Variants in DPYD observed in about 807,000 individuals in gnomAD.
The protein encoded by DPYD is dihydropyrimidine dehydrogenase.
DPYD carries 109 observed loss-of-function variants against 116.2 expected under a neutral mutation model. That is an observed-to-expected ratio of 0.94 (90% CI 0.80 to 1.10). The LOEUF is 1.10. DPYD is among the 50% of genes least tolerant of loss of function. DPYD has a pLI of 0.00. For missense variants in DPYD, 1,302 were observed against 1,254.5 expected, an observed-to-expected ratio of 1.04 and a Z score of -0.57; for synonymous variants, 440 against 432.0, an observed-to-expected ratio of 1.02 and a Z score of -0.23.
At chr1:97,437,995 T>C (rs1171495101) in intron 14 of DPYD, among the ~76,000 whole-genome samples, 2 of 152,030 alleles carry the variant, frequency 1.3e-5, no homozygotes, top group Non-Finnish European at 2.9e-5. Flanking sequence ...TTTTGTCCAC[T>C]GAATTGCCTT....
At chr1:97,817,002 TA>T (rs1313622451) in intron 3 of DPYD, among the ~76,000 whole-genome samples, 2 of 152,162 alleles carry the variant, frequency 1.3e-5, no homozygotes, top group African/African-American at 4.8e-5. Context: ...CTAATGGACT[TA>T]AGTCATGTTT....
At chr1:97,106,622 C>T (rs1234935355) in intron 20 of DPYD, among the ~76,000 whole-genome samples, 6 of 152,086 alleles carry the variant, frequency 3.9e-5, no homozygotes, top group Non-Finnish European at 8.8e-5. Context: ...ATCTGCTGCC[C>T]CCCTCATCTC....
intron 15 of DPYD, among the ~76,000 whole-genome samples, chr1:97,380,883 T>C (rs1386112379): frequency 3.3e-5 from 5 of 152,206 alleles, no homozygotes; most frequent in Admixed American, 6.5e-5. Context: ...CAAAACGTTA[T>C]TGGGTGCCTA....
intron 8 of DPYD, among the ~76,000 whole-genome samples, chr1:97,619,094 A>G (rs995228945): frequency 2.0e-5 from 3 of 152,136 alleles, no homozygotes; most frequent in African/African-American, 7.2e-5. Context: ...TGTTATAAGG[A>G]TTATATACTT....
intron 14 of DPYD, among the ~76,000 whole-genome samples, chr1:97,398,984 C>T (rs551547393): frequency 1.3e-5 from 2 of 152,256 alleles, no homozygotes; most frequent in East Asian, 1.9e-4. Context: ...TCTTTTGTTG[C>T]CATTGCTTTT....
intron 13 of DPYD, among the ~76,000 whole-genome samples, chr1:97,458,545 C>T (rs1676830752): frequency 6.6e-6 from 1 of 152,096 alleles, no homozygotes; most frequent in African/African-American, 2.4e-5. Context: ...TTCGCCCATC[C>T]CTGGTGGCCT....
chr1:97,623,311 CA>C (rs1415237198), intron 8 of DPYD, among the ~76,000 whole-genome samples: 1 of 152,034 alleles, frequency 6.6e-6, no homozygotes, highest in Non-Finnish European at 1.5e-5. Context: ...AATTTCCCCA[CA>C]AAGGAGAAAA....
Position 97,593,369 on chromosome 1 carries a change from G to A in DPYD, c.977C>T (p.Ser326Phe), listed in dbSNP as rs575763449. The change falls in exon 10 of 23, where the codon TCT (serine) becomes TTT (phenylalanine). Residue 326 changes from serine to phenylalanine, a missense_variant. Coordinates refer to ENST00000370192, the MANE Select transcript of DPYD (RefSeq NM_000110.4). Reference sequence around the variant, plus strand: ...GACTCCCCGTATCGATGGCAATGGAGAGTGACAGGCGCACATTCCTGAATG... The same window carrying A: ...GACTCCCCGTATCGATGGCAATGGAAAGTGACAGGCGCACATTCCTGAATG... ...GSKAGMCACH[S>F]PLPSIRGVVI... 2 of 1,614,146 alleles carry A rather than the reference G, an allele frequency of 1.2e-6. No individual in the cohort carries two copies. The highest frequency in any genetic ancestry group is 1.7e-6 in the Non-Finnish European group (2 of 1,180,022).
intron 8 of DPYD, among the ~76,000 whole-genome samples, chr1:97,644,568 C>T (rs190560712): frequency 6.6e-5 from 10 of 151,606 alleles, no homozygotes; most frequent in Non-Finnish European, 1.0e-4. Flanking sequence ...AGCTGGGACT[C>T]CAGGCGAGCA....
intron 20 of DPYD, among the ~76,000 whole-genome samples, chr1:97,175,896 C>A (rs1175449954): frequency 6.6e-6 from 1 of 152,164 alleles, no homozygotes; most frequent in Non-Finnish European, 1.5e-5. Context: ...CATCTTTCAA[C>A]AGCTGAATAT....
At chr1:97,187,881 T>C (rs1046841090) in intron 20 of DPYD, among the ~76,000 whole-genome samples, 2 of 152,202 alleles carry the variant, frequency 1.3e-5, no homozygotes, top group African/African-American at 4.8e-5. Flanking sequence ...CAGTTGACTG[T>C]AGATATGTGG....
chr1:97,659,686 T>C (rs1289001955), intron 8 of DPYD, among the ~76,000 whole-genome samples: 1 of 152,182 alleles, frequency 6.6e-6, no homozygotes, highest in African/African-American at 2.4e-5. Flanking sequence ...GCTATTTTAT[T>C]CATGTAATGC....
At chr1:97,311,777 A>G (rs1667534905) in intron 16 of DPYD, among the ~76,000 whole-genome samples, 1 of 151,864 alleles carries the variant, frequency 6.6e-6, no homozygotes, top group Non-Finnish European at 1.5e-5. Flanking sequence ...GCTATATACA[A>G]TGATAAGGAT....
At chr1:97,259,354 C>G (rs1335045385) in intron 18 of DPYD, among the ~76,000 whole-genome samples, 1 of 152,066 alleles carries the variant, frequency 6.6e-6, no homozygotes, top group Non-Finnish European at 1.5e-5. Flanking sequence ...ACAGCAACCA[C>G]AAACTGGAAT....
In DPYD at chr1:97,577,881, A is replaced by G. The variant is rs189040816; in HGVS notation, c.1129-3911T>C. ...TGAGACGGAGTTTCGCTCTGTTGCC[A>G]GTTGCCCAGGCTGGAGGGTAGTGGC... On this transcript the variant is annotated intron_variant, in intron 10 of 22. Transcript: ENST00000370192. Among the ~76,000 whole-genome samples, 11 of 151,730 alleles carry G rather than the reference A, an allele frequency of 7.2e-5. No individual in the cohort carries two copies. The East Asian group carries it at 2.1e-3, about 30-fold the overall frequency.
chr1:97,462,826 GA>G (rs2101828001), intron 13 of DPYD, among the ~76,000 whole-genome samples: 1 of 152,282 alleles, frequency 6.6e-6, no homozygotes, highest in South Asian at 2.1e-4. Context: ...TGATCTAGGA[GA>G]GAATTAACTA....
At chr1:97,501,164 A>G (rs1679553497) in intron 13 of DPYD, among the ~76,000 whole-genome samples, 1 of 151,990 alleles carries the variant, frequency 6.6e-6, no homozygotes, top group Non-Finnish European at 1.5e-5. Flanking sequence ...AAAAATCAAT[A>G]TGGAGCCTGT....
chr1:97,914,788 C>T (rs1459566814), intron 1 of DPYD, among the ~76,000 whole-genome samples: 1 of 152,080 alleles, frequency 6.6e-6, no homozygotes, highest in Non-Finnish European at 1.5e-5. Context: ...ATTTCAGAAA[C>T]TCCCCAATCT....
chr1:97,828,376 A>G (rs1011682996), intron 2 of DPYD, among the ~76,000 whole-genome samples, 180 bp from the exon 3 acceptor site: 2 of 152,184 alleles, frequency 1.3e-5, no homozygotes, highest in African/African-American at 4.8e-5. Context: ...ACAAAATAAA[A>G]ACATTTTATG....
Sources: gnomAD v4.1 joint callset for allele counts (sites outside exome capture counted in the v4.1 genomes callset) on GRCh38, gnomAD v4.1.1 for gene constraint, MANE v1.5 for transcripts, NCBI Gene and HGNC (gene_info 2026-07-23, HGNC 2026-07-21) for gene names.